CADM2: variants seen among roughly 807,000 people sequenced by gnomAD.
CADM2 encodes the protein cell adhesion molecule 2.
Under a neutral mutation model 49.8 loss-of-function variants are expected in CADM2, and 12 were observed. The ratio of observed to expected loss-of-function variants is 0.24; its 90% CI spans 0.15 to 0.39. The LOEUF is 0.39. Among genes scored for constraint, CADM2 ranks in the 10% least tolerant of loss-of-function variants. The probability of loss-of-function intolerance (pLI) is 1.00; values close to 1 mark genes in which losing one functional copy is unlikely to be tolerated. For missense variants in CADM2, 378 were observed against 492.3 expected, an observed-to-expected ratio of 0.77 and a Z score of 2.20; for synonymous variants, 214 against 175.4, an observed-to-expected ratio of 1.22 and a Z score of -1.74.
At chr3:85,278,810 C>T (rs962878692) in intron 1 of CADM2, among the ~76,000 whole-genome samples, 2 of 150,208 alleles carry the variant, frequency 1.3e-5, no homozygotes, top group Admixed American at 1.3e-4. Flanking sequence ...TTGCAAAATG[C>T]TCTATAGATA....
intron 1 of CADM2, among the ~76,000 whole-genome samples, chr3:85,471,997 A>T (rs2038790720): frequency 6.6e-6 from 1 of 151,804 alleles, no homozygotes; most frequent in Admixed American, 6.6e-5. Flanking sequence ...GTGTAGTGAG[A>T]CTCTTAGTGT....
intron 7 of CADM2, among the ~76,000 whole-genome samples, chr3:85,953,794 CA>C (rs113229106): frequency 0.062 from 9,405 of 150,820 alleles, 776 homozygotes; most frequent in African/African-American, 0.19. Context: ...ATGCATTTAT[CA>C]AGTACCTATT....
At chr3:85,537,031 T>C (rs1232281511) in intron 1 of CADM2, among the ~76,000 whole-genome samples, 1 of 152,096 alleles carries the variant, frequency 6.6e-6, no homozygotes, top group African/African-American at 2.4e-5. Context: ...TTTAATATTC[T>C]CATTTCTCAT....
At chr3:85,067,769 G>C (rs1010877289) in intron 1 of CADM2, among the ~76,000 whole-genome samples, 1 of 152,054 alleles carries the variant, frequency 6.6e-6, no homozygotes, top group Non-Finnish European at 1.5e-5. Context: ...ATTAATCTAA[G>C]CTGCCTTTAT....
chr3:85,353,296 G>A (rs1344655255), intron 1 of CADM2, among the ~76,000 whole-genome samples: 1 of 151,944 alleles, frequency 6.6e-6, no homozygotes, highest in African/African-American at 2.4e-5. Flanking sequence ...AAGAATCACA[G>A]CGAGGCCATT....
chr3:85,537,852 A>G (rs1287904993), intron 1 of CADM2, among the ~76,000 whole-genome samples: 1 of 152,092 alleles, frequency 6.6e-6, no homozygotes, highest in Non-Finnish European at 1.5e-5. Flanking sequence ...ATCATCTTCA[A>G]ATTTATCATA....
At chr3:85,986,744 C>T (rs1359118186) in intron 8 of CADM2, among the ~76,000 whole-genome samples, 1 of 151,980 alleles carries the variant, frequency 6.6e-6, no homozygotes, top group Non-Finnish European at 1.5e-5. Flanking sequence ...ATAGTGAAAA[C>T]AAGGTAGAAA....
intron 3 of CADM2, among the ~76,000 whole-genome samples, chr3:85,876,168 A>G (rs1711809024): frequency 6.6e-6 from 1 of 152,196 alleles, no homozygotes; most frequent in African/African-American, 2.4e-5. Context: ...CTAAAGTCTT[A>G]TGAGTGTAAA....
chr3:85,377,528 C>G (rs1322830244), intron 1 of CADM2, among the ~76,000 whole-genome samples: 1 of 152,024 alleles, frequency 6.6e-6, no homozygotes, highest in Non-Finnish European at 1.5e-5. Context: ...CATTCTAATA[C>G]TGGACATCCT....
At chr3:85,177,175 T>C (rs1341875497) in intron 1 of CADM2, among the ~76,000 whole-genome samples, 1 of 152,160 alleles carries the variant, frequency 6.6e-6, no homozygotes, top group Admixed American at 6.5e-5. Context: ...TTTTACTTTT[T>C]GCAATCATTC....
chr3:85,070,005 T>C (rs1456636103), intron 1 of CADM2, among the ~76,000 whole-genome samples: 1 of 152,210 alleles, frequency 6.6e-6, no homozygotes, highest in Admixed American at 6.5e-5. Context: ...AGTATTCTAA[T>C]GCAATCACAT....
At chr3:85,282,579 A>G (rs1246143471) in intron 1 of CADM2, among the ~76,000 whole-genome samples, 2 of 151,572 alleles carry the variant, frequency 1.3e-5, no homozygotes, top group Non-Finnish European at 2.9e-5. Context: ...GGCATCAAAT[A>G]TATTTTTACC....
intron 1 of CADM2, among the ~76,000 whole-genome samples, chr3:85,474,474 A>T (rs1422384746): frequency 6.6e-6 from 1 of 151,990 alleles, no homozygotes; most frequent in South Asian, 2.1e-4. Context: ...AATTTCATCC[A>T]TAAAGCACCT....
chr3:86,070,451 T>A lies in CADM2; in HGVS notation c.*3668T>A, dbSNP rs1739761520. The stretch of plus-strand genomic sequence containing the variant: ...AATGCCTTTTGTTTTTCTTTGGACA[T>A]CAAGGTAATTTAGTGGACAACAAAT... On this transcript the variant is annotated 3_prime_UTR_variant, in exon 10 of 10. Transcript: ENST00000383699. The A allele has an allele frequency of 6.6e-6, 1 of 151,912 alleles. No homozygotes were observed. Among genetic ancestry groups the A allele is most frequent in the African/African-American group, 2.4e-5 (1 of 41,420 alleles). The allele number at this position is 151,912 out of a possible 1,614,324, so 9.4% of individuals were successfully genotyped here.
chr3:85,280,639 T>C (rs1191953102), intron 1 of CADM2, among the ~76,000 whole-genome samples: 3 of 151,822 alleles, frequency 2.0e-5, no homozygotes, highest in South Asian at 2.1e-4. Flanking sequence ...AAAAGCTTTC[T>C]AGTTTTTTAT....
chr3:85,160,609 A>C (rs2040292771), intron 1 of CADM2, among the ~76,000 whole-genome samples: 1 of 152,160 alleles, frequency 6.6e-6, no homozygotes, highest in Non-Finnish European at 1.5e-5. Flanking sequence ...CTCAATAAAT[A>C]ATTAGGCTAT....
At chr3:85,597,755 C>G (rs983359339) in intron 1 of CADM2, among the ~76,000 whole-genome samples, 2 of 151,984 alleles carry the variant, frequency 1.3e-5, no homozygotes, top group Admixed American at 6.6e-5. Flanking sequence ...AAAAACAAAA[C>G]ATTTAAAAGC....
At chr3:85,110,463 A>G (rs1007929065) in intron 1 of CADM2, among the ~76,000 whole-genome samples, 1 of 151,858 alleles carries the variant, frequency 6.6e-6, no homozygotes, top group Admixed American at 6.6e-5. Flanking sequence ...CATGTATAAT[A>G]CTGAAAACGT....
chr3:85,279,641 A>C (rs1184942272), intron 1 of CADM2, among the ~76,000 whole-genome samples: 6 of 151,628 alleles, frequency 4.0e-5, no homozygotes, highest in African/African-American at 1.4e-4. Context: ...TTTATTGACT[A>C]CCAATTTTTT....
Sources: allele counts gnomAD v4.1 joint callset (sites outside exome capture counted in the v4.1 genomes callset), GRCh38; gene constraint gnomAD v4.1.1; transcripts MANE v1.5; gene names NCBI Gene and HGNC (gene_info 2026-07-23, HGNC 2026-07-21).